Variants in MEGF11 observed in about 807,000 individuals in gnomAD.
MEGF11 encodes multiple epidermal growth factor-like domains protein 11.
A neutral mutation model predicts 146.6 loss-of-function variants in MEGF11; 126 were observed. That is an observed-to-expected ratio of 0.86 (90% CI 0.74 to 1.00). The LOEUF is 1.00. MEGF11 is among the 50% of genes least tolerant of loss of function. MEGF11 has a pLI of 0.00. For missense variants in MEGF11, 1,509 were observed against 1,521.2 expected (o/e 0.99, Z 0.13); for synonymous variants, 532 against 583.4 (o/e 0.91, Z 1.27).
chr15:66,183,504 C>CCAA (rs1031061688), intron 1 of MEGF11, among the ~76,000 whole-genome samples: 7 of 149,788 alleles, frequency 4.7e-5, no homozygotes, highest in African/African-American at 1.7e-4. Flanking sequence ...CATCCTGCCA[C>CCAA]CAACACCCCG....
intron 1 of MEGF11, among the ~76,000 whole-genome samples, chr15:66,168,693 G>A (rs1484971749): frequency 6.6e-6 from 1 of 152,202 alleles, no homozygotes; most frequent in African/African-American, 2.4e-5. Context: ...ATTAAAATAA[G>A]GCTGGGTTCG....
chr15:66,156,448 G>A (rs2089760101), intron 1 of MEGF11, among the ~76,000 whole-genome samples: 1 of 152,106 alleles, frequency 6.6e-6, no homozygotes, highest in Admixed American at 6.5e-5. Flanking sequence ...ACTCCAGGCA[G>A]CCTCACCTTG....
At chr15:66,161,920 C>A (rs1485495769) in intron 1 of MEGF11, among the ~76,000 whole-genome samples, 1 of 152,152 alleles carries the variant, frequency 6.6e-6, no homozygotes, top group African/African-American at 2.4e-5. Context: ...GCATCATGAC[C>A]CACTACCCAC....
chr15:66,187,886 T>C (rs2090754208), intron 1 of MEGF11, among the ~76,000 whole-genome samples: 5 of 152,240 alleles, frequency 3.3e-5, no homozygotes, highest in Non-Finnish European at 7.3e-5. Flanking sequence ...ACGGTGGTTA[T>C]GGAAGAGAAT....
In MEGF11 at chr15:66,133,215, C is replaced by G. The variant is rs1052776717; in HGVS notation, c.-8-4804G>C. Among the ~76,000 whole-genome samples, 15 of 152,210 alleles carry G rather than the reference C, an allele frequency of 9.9e-5. No individual in the cohort carries two copies. The South Asian group carries it at 3.1e-3, about 32-fold the overall frequency. ...ACATCCTGAGAGCAATTCAAAGACT[C>G]CTGCCTGGACCACCCCATCAGCACC... On this transcript the variant is annotated intron_variant, in intron 1 of 25. Coordinates refer to ENST00000395614, the MANE Select transcript of MEGF11 (RefSeq NM_001385028.1).
At chr15:66,105,337 C>T (rs1412870967) in intron 4 of MEGF11, among the ~76,000 whole-genome samples, 1 of 152,126 alleles carries the variant, frequency 6.6e-6, no homozygotes, top group Non-Finnish European at 1.5e-5. Context: ...CCTGCCTGGC[C>T]TCCCTTCTGC....
intron 7 of MEGF11, among the ~76,000 whole-genome samples, chr15:65,976,004 T>C (rs927366907): frequency 6.6e-6 from 1 of 150,702 alleles, no homozygotes; most frequent in African/African-American, 2.4e-5. Context: ...GTTTCTCTCC[T>C]GCTGCAATGA....
At chr15:66,031,559 T>G (rs980054266) in intron 5 of MEGF11, among the ~76,000 whole-genome samples, 4 of 152,208 alleles carry the variant, frequency 2.6e-5, no homozygotes, top group Non-Finnish European at 1.5e-5. Flanking sequence ...TTCAGGAATT[T>G]ACGTGGGGGG....
At chr15:66,043,169 G>C (rs2084056244) in intron 5 of MEGF11, among the ~76,000 whole-genome samples, 1 of 152,246 alleles carries the variant, frequency 6.6e-6, no homozygotes, top group African/African-American at 2.4e-5. Context: ...CTGGGTCTGA[G>C]TCTTATTCCC....
In MEGF11 at chr15:66,160,705, A is replaced by ACACC. The variant is rs745545638; in HGVS notation, c.-8-32295_-8-32294insGGTG. On this transcript the variant is annotated intron_variant, in intron 1 of 25. Coordinates refer to ENST00000395614, the MANE Select transcript of MEGF11 (RefSeq NM_001385028.1). The stretch of plus-strand genomic sequence containing the variant: ...CACACACACACACACACACACACAC[A>ACACC]CCCTTGCCCTAGGAATTTATTCCTG... Among the ~76,000 whole-genome samples, 56 of 145,158 alleles carry ACACC rather than the reference A, an allele frequency of 3.9e-4. 1 individual carries two copies. The East Asian group carries it at 0.01, about 27-fold the overall frequency.
intron 1 of MEGF11, among the ~76,000 whole-genome samples, chr15:66,153,572 CAAA>C (rs869155539): frequency 7.7e-6 from 1 of 129,750 alleles, no homozygotes; most frequent in South Asian, 3.2e-4. Flanking sequence ...GACTCCATCT[CAAA>C]AAAGAAAAAG....
chr15:66,134,429 G>C (rs2088795652), intron 1 of MEGF11, among the ~76,000 whole-genome samples: 1 of 146,016 alleles, frequency 6.8e-6, no homozygotes, highest in South Asian at 2.5e-4. Flanking sequence ...GACACATTCA[G>C]CTGGCCTGAC....
intron 5 of MEGF11, among the ~76,000 whole-genome samples, chr15:65,987,706 T>G (rs2081911293): frequency 6.6e-6 from 1 of 152,112 alleles, no homozygotes; most frequent in Non-Finnish European, 1.5e-5. Context: ...CTTCTTTCTT[T>G]CTATTTTATT....
intron 5 of MEGF11, among the ~76,000 whole-genome samples, chr15:66,079,749 G>A (rs979569378): frequency 3.3e-5 from 5 of 152,178 alleles, no homozygotes; most frequent in Admixed American, 6.5e-5. Context: ...TCGCTCTCAG[G>A]TGCGTTTACC....
Position 66,144,005 on chromosome 15 carries a change from A to G in MEGF11, c.-8-15594T>C, listed in dbSNP as rs116345718. On this transcript the variant is annotated intron_variant, in intron 1 of 25. Transcript: ENST00000395614. ...TCCAGGAGGAGCTACAAAGGCAGAA[A>G]TCAAAGCTCCCCCATCAGAGAGCTC... is the stretch of plus-strand genomic sequence containing the variant. Among the ~76,000 whole-genome samples the G allele has an allele frequency of 3.4e-3, 525 of 152,230 alleles. 3 individuals are homozygous for G. The highest frequency in any genetic ancestry group is 0.012 in the African/African-American group (508 of 41,538).
intron 20 of MEGF11, 154 bp downstream of exon 20, chr15:65,913,582 CT>C (rs2078886713): frequency 2.9e-6 from 2 of 678,774 alleles, no homozygotes; most frequent in Admixed American, 2.6e-5. Flanking sequence ...CAGATATCTT[CT>C]CTAGGTAGGC....
chr15:65,977,475 C>CT (rs2081492381), intron 7 of MEGF11, among the ~76,000 whole-genome samples: 2 of 147,878 alleles, frequency 1.4e-5, no homozygotes, highest in African/African-American at 2.5e-5. Context: ...AACTCTCTCC[C>CT]TCTTTTTTTT....
intron 15 of MEGF11, among the ~76,000 whole-genome samples, chr15:65,919,575 G>T (rs1041070375): frequency 2.0e-5 from 3 of 152,166 alleles, no homozygotes; most frequent in African/African-American, 7.2e-5. Flanking sequence ...AAGTGTACAC[G>T]TGGTGTTGGA....
intron 5 of MEGF11, among the ~76,000 whole-genome samples, chr15:65,988,586 A>G (rs1567191865): frequency 6.6e-6 from 1 of 152,238 alleles, no homozygotes; most frequent in Admixed American, 6.5e-5. Context: ...GGATATAAGT[A>G]TCTTTTAGAG....
Sources: gnomAD v4.1 joint callset for allele counts (sites outside exome capture counted in the v4.1 genomes callset) on GRCh38, gnomAD v4.1.1 for gene constraint, MANE v1.5 for transcripts, NCBI Gene and HGNC (gene_info 2026-07-23, HGNC 2026-07-21) for gene names.